NPHP3: variants seen among roughly 807,000 people sequenced by gnomAD.
NPHP3 encodes nephrocystin-3.
A neutral mutation model predicts 171.9 loss-of-function variants in NPHP3; 123 were observed. The observed-to-expected ratio is 0.72, with a 90% CI of 0.62 to 0.83. The LOEUF (loss-of-function observed/expected upper bound fraction) is 0.83, where lower values mean the gene tolerates loss of function less well. Among genes scored for constraint, NPHP3 ranks in the 40% least tolerant of loss-of-function variants. NPHP3 has a pLI of 0.00. For missense variants in NPHP3, 1,506 were observed against 1,591.9 expected, an observed-to-expected ratio of 0.95 and a Z score of 0.92; for synonymous variants, 558 against 579.2, an observed-to-expected ratio of 0.96 and a Z score of 0.52.
chr3:132,699,973 G>C lies in NPHP3; in HGVS notation c.1832C>G (p.Ser611Cys). 6 of 1,614,118 alleles carry C rather than the reference G, an allele frequency of 3.7e-6. No individual in the cohort carries two copies. The highest frequency in any genetic ancestry group is 3.4e-6 in the Non-Finnish European group (4 of 1,180,016). The change falls in exon 12 of 27, where the codon TCT becomes TGT. Residue 611 changes from serine to cysteine, a missense_variant. Ser to Cys is a moderately radical substitution (Grantham distance 112). Around this residue, in one of 3 missense-constraint regions of NPHP3, gnomAD observed 930 missense variants for 924.9 expected, o/e 1.01. Transcript: ENST00000337331. ...GATGATGCTGCCTTGATGACGAGCA[G>C]AGAGTTTTTCCAGCCAACGTGGAAA... ...EEFPRWLEKL[S>C]ARHQGSIIIV...
intron 23 of NPHP3, 182 bp downstream of exon 23, chr3:132,686,076 AAC>A (rs954343906): frequency 5.4e-5 from 32 of 587,656 alleles, no homozygotes; most frequent in African/African-American, 4.7e-4. Flanking sequence ...TGTGAAAAGA[AAC>A]ACAGTAGAGA....
chr3:132,704,168 C>A, intron 9 of NPHP3, 30 bp downstream of exon 9: 2 of 1,602,726 alleles, frequency 1.2e-6, no homozygotes, highest in South Asian at 1.1e-5. Flanking sequence ...GGTGACAGAT[C>A]TTTGTTGCAA....
Position 132,682,739 on chromosome 3 carries a change from C to T in NPHP3, c.3776G>A (p.Arg1259Gln), listed in dbSNP as rs748465701. ...YEDSLGRMHPRVGETLKNLAV... is the reference protein window; with the variant it reads ...YEDSLGRMHPQVGETLKNLAV... The stretch of plus-strand genomic sequence containing the variant: ...TAAATTTTTCAGTGTTTCTCCAACT[C>T]GAGGATGCATCCGACCCAGGCTATC... Residue 1259 changes from arginine (R) to glutamine (Q), a missense_variant, in exon 26 of 27, where the codon CGA becomes CAA. Physicochemically the swap from Arg to Gln is conservative, Grantham distance 43 (BLOSUM62 1). This residue lies in a region of NPHP3 where 569 missense variants were observed against 648.1 expected (regional missense o/e 0.88). Coordinates refer to ENST00000337331, the MANE Select transcript of NPHP3 (RefSeq NM_153240.5). The T allele has an allele frequency of 1.2e-6, 2 of 1,613,166 alleles. No homozygotes were observed. The highest frequency in any genetic ancestry group is 1.7e-5 in the Admixed American group (1 of 60,018).
chr3:132,695,616 T>A (rs994136505), intron 15 of NPHP3, among the ~76,000 whole-genome samples: 2 of 152,132 alleles, frequency 1.3e-5, no homozygotes, highest in Non-Finnish European at 2.9e-5. Context: ...TTGCTACAAC[T>A]AACAGTGGAA....
In NPHP3 at chr3:132,699,435, T is replaced by C. The variant is rs145166784; in HGVS notation, c.1903A>G (p.Met635Val). The C allele has an allele frequency of 2.4e-5, 39 of 1,610,198 alleles. No individual in the cohort carries two copies. The highest frequency in any genetic ancestry group is 3.2e-5 in the Non-Finnish European group (38 of 1,179,042). ...GGCAGTGGATCTATCAGCCATTTCA[T>C]GTGTTTTTCAACTTGCTTAAAAATA... is the stretch of plus-strand genomic sequence containing the variant. ...IDQVQQVEKHMKWLIDPLPVN... is the reference protein window; with the variant it reads ...IDQVQQVEKHVKWLIDPLPVN... The change falls in exon 13 of 27, where the codon ATG becomes GTG. Residue 635 changes from methionine (M) to valine (V), a missense_variant. Physicochemically the swap from Met to Val is conservative, Grantham distance 21. Transcript: ENST00000337331.
intron 1 of NPHP3, among the ~76,000 whole-genome samples, chr3:132,720,765 C>T (rs937805252): frequency 2.6e-5 from 4 of 152,002 alleles, no homozygotes; most frequent in South Asian, 2.1e-4. Context: ...TTTATTTCAC[C>T]CCGACTGTAA....
At position 132,681,737 on chromosome 3, in the gene NPHP3, A is replaced by C; in HGVS notation, c.*173T>G. 1.5e-6 allele frequency: 1 copy of C among 653,004 alleles called. No homozygotes were observed. The highest frequency in any genetic ancestry group is 2.7e-6 in the Non-Finnish European group (1 of 367,936). 40.5% of individuals were successfully genotyped at this position (653,004 alleles called of 1,614,324 possible). A position where few individuals can be genotyped will look rare whatever the true frequency, so the allele number is the denominator to read the frequency against. ...AAATTCTTTTAAACAACTAAAACAG[A>C]CATAATCACAATTCCAACTTAATGT... On this transcript the variant is annotated 3_prime_UTR_variant, in exon 27 of 27. Coordinates refer to ENST00000337331, the MANE Select transcript of NPHP3 (RefSeq NM_153240.5).
rs1441339839 is a variant in NPHP3 at position 132,708,183 on chromosome 3, A to G, written c.1193T>C (p.Leu398Ser). Residue 398 changes from leucine to serine, a missense_variant, in exon 7 of 27, where the codon TTG (leucine) becomes TCG (serine). Physicochemically the swap from Leu to Ser is moderately radical, Grantham distance 145 (BLOSUM62 -2). Around this residue, in one of 3 missense-constraint regions of NPHP3, gnomAD observed 930 missense variants for 924.9 expected, o/e 1.01. Coordinates refer to ENST00000337331, the MANE Select transcript of NPHP3 (RefSeq NM_153240.5). ...EGKPRLIFHR[L>S]EDGKVSSDSV... ...GTCAGAACTGACTTTTCCATCTTCCAAACGATGAAAGATTAATCGAGGTTT... is the reference window on the plus strand; with the variant it reads ...GTCAGAACTGACTTTTCCATCTTCCGAACGATGAAAGATTAATCGAGGTTT... 2 of 1,613,974 alleles carry G rather than the reference A, an allele frequency of 1.2e-6. No individual in the cohort carries two copies. Among genetic ancestry groups the G allele is most frequent in the African/African-American group, 2.7e-5 (2 of 74,942 alleles).
chr3:132,694,575 C>T (rs961721761), intron 16 of NPHP3, among the ~76,000 whole-genome samples: 5 of 151,922 alleles, frequency 3.3e-5, no homozygotes, highest in African/African-American at 1.2e-4. Flanking sequence ...AGACAAATGA[C>T]CCAATTAAAA....
At position 132,683,381 on chromosome 3, in the gene NPHP3, T is replaced by C. The variant is rs771565895; in HGVS notation, c.3696+18A>G. 6.2e-7 allele frequency: 1 copy of C among 1,609,576 alleles called. No individual in the cohort carries two copies. Among genetic ancestry groups the C allele is most frequent in the East Asian group, 2.2e-5 (1 of 44,718 alleles). On this transcript the variant is annotated intron_variant, in intron 25 of 26. Transcript: ENST00000337331. ...ATAAAATCATTCACTGATACAACGT[T>C]AAAATATGGGAACTTACCATTTGGC...
chr3:132,685,116 A>T, intron 23 of NPHP3: 4 of 292,884 alleles, frequency 1.4e-5, no homozygotes, highest in South Asian at 3.7e-5. Context: ...TTTTGTATTC[A>T]CTCTTCCTCC....
At chr3:132,718,122 A>G (rs746202113) in intron 3 of NPHP3, 2 of 448,258 alleles carry the variant, frequency 4.5e-6, no homozygotes, top group Non-Finnish European at 8.9e-6. Flanking sequence ...ATGATACTAC[A>G]ATGAAAATTA....
intron 3 of NPHP3, 169 bp from the exon 4 acceptor site, chr3:132,717,078 C>T (rs1483052954): frequency 4.6e-6 from 3 of 647,180 alleles, no homozygotes; most frequent in Non-Finnish European, 8.0e-6. Flanking sequence ...TTCAAAGATA[C>T]TGATTAACAT....
In NPHP3 at chr3:132,716,788, A is replaced by G. The variant is rs1940063604; in HGVS notation, c.792T>C (p.Asp264=). The stretch of plus-strand genomic sequence containing the variant: ...TAACATTTGCAAAGGGTCCTTCCAC[A>G]TCTATAGAACTATGGGCAAACTCAG... The part of the protein sequence containing the change: ...RGPEFAHSSI[D]VEGPFANVNR... The change falls in exon 4 of 27, where the codon GAT becomes GAC. Residue 264 remains aspartate, a synonymous_variant. Transcript: ENST00000337331. 20 of 1,614,032 alleles carry G rather than the reference A, an allele frequency of 1.2e-5. No individual in the cohort carries two copies. The East Asian group carries it at 4.5e-4, about 36-fold the overall frequency.
intron 8 of NPHP3, 113 bp from the exon 9 acceptor site, chr3:132,704,484 A>C: frequency 1.1e-6 from 1 of 938,816 alleles, no homozygotes. Flanking sequence ...AAGTTCAAAC[A>C]TACAGCCTTT....
At chr3:132,694,800 C>A (rs754866792) in intron 16 of NPHP3, 27 bp downstream of exon 16, 31 of 1,608,106 alleles carry the variant, frequency 1.9e-5, no homozygotes, top group Non-Finnish European at 2.6e-5. Context: ...AACTAACATT[C>A]CTTTTTATAA....
In NPHP3 at chr3:132,691,242, A is replaced by G. The variant is rs1939290814; in HGVS notation, c.2520T>C (p.Val840=). The G allele has an allele frequency of 6.2e-7, 1 of 1,613,376 alleles. No individual in the cohort carries two copies. The change falls in exon 18 of 27, where the codon GTT becomes GTC. Residue 840 remains valine (V), a synonymous_variant. Transcript: ENST00000337331. The stretch of plus-strand genomic sequence containing the variant: ...TTAGCTTTTGCCTGTATGAAGAAGT[A>G]ACAGTGGGGCCTTCCAGGTACTCCA... ...VRLEYLEGPT[V]TSSYRQKLIN...
intron 5 of NPHP3, among the ~76,000 whole-genome samples, chr3:132,714,466 A>C (rs934797331): frequency 6.6e-6 from 1 of 152,186 alleles, no homozygotes; most frequent in East Asian, 1.9e-4. Context: ...AAGTAGACAC[A>C]ATCAACAAGA....
At chr3:132,698,572 C>T (rs989867473) in intron 13 of NPHP3, among the ~76,000 whole-genome samples, 3 of 151,978 alleles carry the variant, frequency 2.0e-5, no homozygotes, top group Non-Finnish European at 4.4e-5. Flanking sequence ...CTACCATGCC[C>T]GGCCACTCTA....
Sources: allele counts gnomAD v4.1 joint callset (sites outside exome capture counted in the v4.1 genomes callset), GRCh38; gene constraint gnomAD v4.1.1; regional missense constraint gnomAD v4.1.1; transcripts MANE v1.5; gene names NCBI Gene and HGNC (gene_info 2026-07-23, HGNC 2026-07-21).